SH3RF2: variants seen among roughly 807,000 people sequenced by gnomAD.
The protein encoded by SH3RF2 is E3 ubiquitin-protein ligase SH3RF2.
A neutral mutation model predicts 59.0 loss-of-function variants in SH3RF2; 43 were observed. The observed-to-expected ratio is 0.73, with a 90% CI of 0.57 to 0.94. The LOEUF (loss-of-function observed/expected upper bound fraction) is 0.94, where lower values mean the gene tolerates loss of function less well. Ranked by LOEUF, SH3RF2 falls within the 40% of genes least tolerant of loss-of-function variation. The probability of loss-of-function intolerance (pLI) is 0.00; values close to 1 mark genes in which losing one functional copy is unlikely to be tolerated. For synonymous variants in SH3RF2, 391 were observed against 391.5 expected (o/e 1.00, Z 0.01); for missense variants, 930 against 940.1 (o/e 0.99, Z 0.14).
intron 5 of SH3RF2, among the ~76,000 whole-genome samples, chr5:146,046,647 G>A (rs1373186842): frequency 6.6e-6 from 1 of 152,160 alleles, no homozygotes; most frequent in African/African-American, 2.4e-5. Flanking sequence ...CATAGTCCCT[G>A]CCCTCATGGA....
intron 2 of SH3RF2, among the ~76,000 whole-genome samples, chr5:145,978,197 G>A (rs1055271188): frequency 9.9e-5 from 15 of 152,138 alleles, no homozygotes; most frequent in Admixed American, 2.6e-4. Context: ...ATGAAAGCAA[G>A]TCCATATGGT....
At chr5:146,060,273 T>C in intron 9 of SH3RF2, 49 bp downstream of exon 9, 1 of 1,468,952 alleles carries the variant, frequency 6.8e-7, no homozygotes, top group Non-Finnish European at 9.1e-7. Flanking sequence ...TCCCGTACTA[T>C]GCATAGTGTC....
intron 5 of SH3RF2, among the ~76,000 whole-genome samples, chr5:146,044,234 T>C (rs1762228967): frequency 6.6e-6 from 1 of 151,652 alleles, no homozygotes; most frequent in Admixed American, 6.6e-5. Context: ...CACTGTAATC[T>C]CTGCCTCCTG....
intron 2 of SH3RF2, among the ~76,000 whole-genome samples, chr5:145,993,723 G>A (rs1239657159): frequency 3.9e-5 from 6 of 152,208 alleles, no homozygotes; most frequent in African/African-American, 7.2e-5. Flanking sequence ...CCCTGGGCCC[G>A]GCCCATGAAA....
At chr5:145,947,152 CCA>C (rs1758030013) in intron 2 of SH3RF2, among the ~76,000 whole-genome samples, 1 of 146,388 alleles carries the variant, frequency 6.8e-6, no homozygotes, top group Non-Finnish European at 1.5e-5. Flanking sequence ...CTGTCCTCTC[CCA>C]TATATATATA....
At chr5:146,050,971 A>G (rs1056742191) in intron 7 of SH3RF2, among the ~76,000 whole-genome samples, 5 of 152,356 alleles carry the variant, frequency 3.3e-5, no homozygotes, top group African/African-American at 1.2e-4. Context: ...GCAGTGGCTC[A>G]TGCCTGTAAT....
At chr5:146,066,741 A>C (rs1303314479), downstream of SH3RF2, among the ~76,000 whole-genome samples, 2 of 152,186 alleles carry the variant, frequency 1.3e-5, no homozygotes, top group African/African-American at 4.8e-5. Flanking sequence ...TTCACTTAAT[A>C]CTTAGAGGAA....
intron 2 of SH3RF2, chr5:145,997,630 G>T: frequency 6.3e-7 from 1 of 1,583,720 alleles, no homozygotes; most frequent in East Asian, 2.3e-5. Context: ...TATCCTCTGG[G>T]ACTGGCCACT....
chr5:146,019,261 T>C (rs1238544738), intron 5 of SH3RF2, among the ~76,000 whole-genome samples: 1 of 152,188 alleles, frequency 6.6e-6, no homozygotes, highest in Non-Finnish European at 1.5e-5. Flanking sequence ...TTTAAGTCTT[T>C]AATCCATCTT....
intron 5 of SH3RF2, among the ~76,000 whole-genome samples, chr5:146,044,873 C>T (rs566961658): frequency 6.6e-6 from 1 of 152,258 alleles, no homozygotes; most frequent in South Asian, 2.1e-4. Flanking sequence ...CATCACAAGC[C>T]CACAGGTTAC....
chr5:146,044,156 T>G (rs912365228), intron 5 of SH3RF2, among the ~76,000 whole-genome samples: 7 of 103,766 alleles, frequency 6.7e-5, no homozygotes, highest in Non-Finnish European at 1.6e-4. Context: ...TTTGTTTTTT[T>G]TTTTTTGTTT....
intron 6 of SH3RF2, 65 bp from the exon 7 acceptor site, chr5:146,049,010 C>T (rs1762398387): frequency 6.3e-7 from 1 of 1,582,596 alleles, no homozygotes; most frequent in Non-Finnish European, 8.7e-7. Context: ...CACCATTCCC[C>T]CACTCCATGC....
intron 5 of SH3RF2, among the ~76,000 whole-genome samples, chr5:146,030,428 C>T (rs912776017): frequency 6.6e-6 from 1 of 152,142 alleles, no homozygotes; most frequent in Admixed American, 6.6e-5. Context: ...TGTCTGCATT[C>T]GTTTCAAGGA....
In SH3RF2 at chr5:146,049,011, C is replaced by T. The variant is rs1446439580; in HGVS notation, c.1152-64C>T. On this transcript the variant is annotated intron_variant, in intron 6 of 9. Transcript: ENST00000359120. ...GGGCAGTCTCTCTCCACCATTCCCC[C>T]ACTCCATGCCCCCCATCAGGCACGT... 15 of 1,582,720 alleles carry T rather than the reference C, an allele frequency of 9.5e-6. No homozygotes were observed. The South Asian group carries it at 1.1e-4, about 12-fold the overall frequency.
downstream of SH3RF2, among the ~76,000 whole-genome samples, chr5:146,064,053 G>C (rs544772265): frequency 2.0e-5 from 3 of 152,162 alleles, no homozygotes; most frequent in Non-Finnish European, 1.5e-5. Context: ...ATGGCAGCCC[G>C]AGGCTGGGGT....
chr5:145,946,775 C>CTGA (rs1415161511), intron 2 of SH3RF2, among the ~76,000 whole-genome samples: 10 of 152,154 alleles, frequency 6.6e-5, no homozygotes, highest in Non-Finnish European at 1.5e-4. Context: ...TTCATCTTAA[C>CTGA]TGACACTTAG....
At chr5:145,953,993 A>C (rs562051942) in intron 2 of SH3RF2, among the ~76,000 whole-genome samples, 1 of 152,268 alleles carries the variant, frequency 6.6e-6, no homozygotes, top group Admixed American at 6.5e-5. Flanking sequence ...TGCCTTTGCT[A>C]TTGTGAACAG....
chr5:145,986,043 A>G (rs777021350), intron 2 of SH3RF2, among the ~76,000 whole-genome samples: 6 of 135,184 alleles, frequency 4.4e-5, no homozygotes, highest in East Asian at 2.0e-4. Flanking sequence ...ATAAATAAAT[A>G]AATGTCTGTT....
chr5:146,064,807 G>GAAA (rs1763049437), downstream of SH3RF2, among the ~76,000 whole-genome samples: 22 of 18,332 alleles, frequency 1.2e-3, 1 homozygote, highest in African/African-American at 3.2e-3. Context: ...AAGGAAGGAA[G>GAAA]GAAAGAAAGA....
Sources: gnomAD v4.1 joint callset for allele counts (sites outside exome capture counted in the v4.1 genomes callset) on GRCh38, gnomAD v4.1.1 for gene constraint, MANE v1.5 for transcripts, NCBI Gene and HGNC (gene_info 2026-07-23, HGNC 2026-07-21) for gene names.